PIK3R5: variants seen among roughly 807,000 people sequenced by gnomAD.
PIK3R5 encodes phosphoinositide-3-kinase regulatory subunit 5.
A neutral mutation model predicts 94.9 loss-of-function variants in PIK3R5; 32 were observed. The ratio of observed to expected loss-of-function variants is 0.34; its 90% CI spans 0.25 to 0.45. The LOEUF (loss-of-function observed/expected upper bound fraction) is 0.45. Among genes scored for constraint, PIK3R5 ranks in the 20% least tolerant of loss-of-function variants. The probability of loss-of-function intolerance (pLI) is 1.00; values close to 1 mark genes in which losing one functional copy is unlikely to be tolerated. For synonymous variants in PIK3R5, 443 were observed against 479.4 expected, an observed-to-expected ratio of 0.92 and a Z score of 0.99; for missense variants, 853 against 1,144.6, an observed-to-expected ratio of 0.75 and a Z score of 3.68.
chr17:8,887,609 C>T lies in PIK3R5; in HGVS notation c.1691G>A (p.Ser564Asn), dbSNP rs748707081. 6.2e-7 allele frequency: 1 copy of T among 1,610,352 alleles called. No individual in the cohort carries two copies. The highest frequency in any genetic ancestry group is 2.2e-5 in the East Asian group (1 of 44,798). Residue 564 changes from serine (S) to asparagine (N), a missense_variant, in exon 11 of 19, where the codon AGT becomes AAT. Around this residue, in one of 6 missense-constraint regions of PIK3R5, gnomAD observed 319 missense variants for 339.8 expected, o/e 0.94. Coordinates refer to ENST00000447110, the MANE Select transcript of PIK3R5 (RefSeq NM_001142633.3). ...ACAGGCACCAGGGCTGGTCCCATGA[C>T]TTCGCTTCACAGGCACGTAGAAGAA... ...LQFFYVPVKR[S>N]HGTSPGACPP...
At chr17:8,895,134 T>C (rs2090123336) in intron 5 of PIK3R5, among the ~76,000 whole-genome samples, 1 of 152,306 alleles carries the variant, frequency 6.6e-6, no homozygotes, top group East Asian at 1.9e-4. Context: ...TGGTGGCCAC[T>C]CACGTGCATT....
In PIK3R5 at chr17:8,886,313, T is replaced by C. The variant is rs750437398; in HGVS notation, c.2044A>G (p.Ile682Val). 1 of 1,613,290 alleles carries C rather than the reference T, an allele frequency of 6.2e-7. No individual in the cohort carries two copies. The highest frequency in any genetic ancestry group is 1.7e-5 in the Admixed American group (1 of 60,014). ...ATCTCTGTCGTCTTCTCCCCAGTGATGAAGGTCAGCTGGAGAGGGCAGGAG... is the reference window on the plus strand; with the variant it reads ...ATCTCTGTCGTCTTCTCCCCAGTGACGAAGGTCAGCTGGAGAGGGCAGGAG... Reference protein sequence around the residue: ...LQVYQTELTFITGEKTTEIFI... With the variant: ...LQVYQTELTFVTGEKTTEIFI... Residue 682 changes from isoleucine to valine, a missense_variant, in exon 14 of 19, where the codon ATC becomes GTC. Coordinates refer to ENST00000447110, the MANE Select transcript of PIK3R5 (RefSeq NM_001142633.3).
intron 1 of PIK3R5, among the ~76,000 whole-genome samples, chr17:8,919,146 G>T (rs1019820908): frequency 4.6e-5 from 7 of 152,180 alleles, no homozygotes; most frequent in African/African-American, 1.7e-4. Context: ...TTGTAGAACA[G>T]AAAGAGAACA....
At position 8,888,333 on chromosome 17, in the gene PIK3R5, C is replaced by T. The variant is rs981664417; in HGVS notation, c.1454G>A (p.Gly485Asp). 13 of 1,612,526 alleles carry T rather than the reference C, an allele frequency of 8.1e-6. No homozygotes were observed. Among genetic ancestry groups the T allele is most frequent in the South Asian group, 1.1e-5 (1 of 91,058 alleles). The change falls in exon 10 of 19, where the codon GGT (glycine) becomes GAT (aspartate). Residue 485 changes from glycine (G) to aspartate (D), a missense_variant. Physicochemically the swap from Gly to Asp is moderately conservative, Grantham distance 94. Around this residue, in one of 6 missense-constraint regions of PIK3R5, gnomAD observed 319 missense variants for 339.8 expected, o/e 0.94. Coordinates refer to ENST00000447110, the MANE Select transcript of PIK3R5 (RefSeq NM_001142633.3). This position sits in a 1 kb window ranked among gnomAD's most constrained non-coding sequence, Gnocchi z 7.8. ...CAGAAGCCAGCTGGGCAGCTGGGTACCGAGTTTGGGCTGGGGCAGGGAGCG... is the reference window on the plus strand; with the variant it reads ...CAGAAGCCAGCTGGGCAGCTGGGTATCGAGTTTGGGCTGGGGCAGGGAGCG... The part of the protein sequence containing the change: ...RSRSLPQPKL[G>D]TQLPSWLLAP...
In PIK3R5 at chr17:8,887,605, A is replaced by G. The variant is rs781772771; in HGVS notation, c.1695T>C (p.His565=). The G allele has an allele frequency of 6.8e-6, 11 of 1,610,364 alleles. No homozygotes were observed. The South Asian group carries it at 7.8e-5, about 11-fold the overall frequency. Residue 565 remains histidine (H), a synonymous_variant, in exon 11 of 19, where the codon CAT becomes CAC. Coordinates refer to ENST00000447110, the MANE Select transcript of PIK3R5 (RefSeq NM_001142633.3). ...QFFYVPVKRS[H]GTSPGACPPP... is the part of the protein sequence containing the mutation. ...GTGGACAGGCACCAGGGCTGGTCCC[A>G]TGACTTCGCTTCACAGGCACGTAGA...
intron 1 of PIK3R5, among the ~76,000 whole-genome samples, chr17:8,961,003 C>T (rs1003982105): frequency 1.3e-5 from 2 of 152,162 alleles, no homozygotes; most frequent in African/African-American, 4.8e-5. Flanking sequence ...TGCCAGGTCA[C>T]TGGTCCCCCT....
chr17:8,880,979 G>T lies in PIK3R5; in HGVS notation c.2421C>A (p.Ile807=). The change falls in exon 18 of 19, where the codon ATC becomes ATA. Residue 807 remains isoleucine, a synonymous_variant. Transcript: ENST00000447110. ...TSQIKVDKVQ[I]IGSNSCPFAV... is the part of the protein sequence containing the mutation. ...CAAAGGGGCAGCTGTTGGAGCCGAT[G>T]ATCTGCACCTTGTCCACTTTGATCT... 6.2e-7 allele frequency: 1 copy of T among 1,614,154 alleles called. No homozygotes were observed. Among genetic ancestry groups the T allele is most frequent in the South Asian group, 1.1e-5 (1 of 91,092 alleles).
chr17:8,959,243 G>T (rs1027765265), intron 1 of PIK3R5, among the ~76,000 whole-genome samples: 1 of 152,208 alleles, frequency 6.6e-6, no homozygotes, highest in Non-Finnish European at 1.5e-5. Flanking sequence ...ACTACCCCCA[G>T]CTTGCTTCTG....
At chr17:8,937,068 T>A (rs144592426) in intron 1 of PIK3R5, among the ~76,000 whole-genome samples, 6 of 152,326 alleles carry the variant, frequency 3.9e-5, no homozygotes, top group South Asian at 2.1e-4. Context: ...TGCTGGTATA[T>A]AGGCAAGCAC....
intron 2 of PIK3R5, among the ~76,000 whole-genome samples, chr17:8,910,912 G>A (rs867675029): frequency 4.8e-4 from 73 of 152,028 alleles, no homozygotes; most frequent in African/African-American, 1.6e-3. Context: ...CCGGGACTGC[G>A]GACACCCTGT....
At chr17:8,952,147 G>A (rs2091388116) in intron 1 of PIK3R5, among the ~76,000 whole-genome samples, 1 of 152,202 alleles carries the variant, frequency 6.6e-6, no homozygotes. Flanking sequence ...CTATAAAGCT[G>A]TCATGTGAAG....
intron 5 of PIK3R5, among the ~76,000 whole-genome samples, chr17:8,898,321 G>A (rs988002690): frequency 1.3e-5 from 2 of 152,214 alleles, no homozygotes; most frequent in Admixed American, 6.5e-5. Context: ...AAGTCAAAGG[G>A]TATGAAGCCA....
At chr17:8,901,768 T>C (rs1189337641) in intron 5 of PIK3R5, among the ~76,000 whole-genome samples, 1 of 152,218 alleles carries the variant, frequency 6.6e-6, no homozygotes, top group African/African-American at 2.4e-5. Context: ...AGTAACTATT[T>C]CTACAATATC....
At chr17:8,891,899 C>T (rs762179722) in intron 6 of PIK3R5, among the ~76,000 whole-genome samples, 3 of 152,090 alleles carry the variant, frequency 2.0e-5, no homozygotes, top group Non-Finnish European at 4.4e-5. Flanking sequence ...CCACCGCGCC[C>T]GGCTACTATG....
At chr17:8,886,670 A>G in intron 12 of PIK3R5, 65 bp from the exon 13 acceptor site, 1 of 1,495,306 alleles carries the variant, frequency 6.7e-7, no homozygotes, top group Non-Finnish European at 9.0e-7. Flanking sequence ...AGAAGGAGCA[A>G]GAATTAGGGA....
chr17:8,888,218 G>A lies in PIK3R5; in HGVS notation c.1569C>T (p.Gly523=), dbSNP rs779613334. 5.0e-6 allele frequency: 8 copies of A among 1,613,480 alleles called. No individual in the cohort carries two copies. In the South Asian group the frequency reaches 6.6e-5, roughly 13 times the overall value. ...CCACCTTCCCTGAAATCCGATCGGAGCCAAAGACCACAACACGTAGCGTGG... is the reference window on the plus strand; with the variant it reads ...CCACCTTCCCTGAAATCCGATCGGAACCAAAGACCACAACACGTAGCGTGG... ...KASTLRVVVF[G]SDRISGKVAR... is the part of the protein sequence containing the mutation. The change falls in exon 10 of 19, where the codon GGC becomes GGT. Residue 523 remains glycine (G), a synonymous_variant. Transcript: ENST00000447110. The surrounding 1 kb of genome is among the most constrained non-coding windows in gnomAD (Gnocchi z 7.8).
rs574393204 is a variant in PIK3R5 at position 8,965,184 on chromosome 17, T to C, written c.-14+412A>G. 5.4e-4 allele frequency among the ~76,000 whole-genome samples: 83 copies of C among 152,328 alleles called. 1 individual carries two copies. In the South Asian group the frequency reaches 0.012, roughly 22 times the overall value. ...AGGGCGCCTTACGCGGGCACTTCCA[T>C]GACTCCCAGGTTCTGACGGCACAAG... On this transcript the variant is annotated intron_variant, in intron 1 of 18. Transcript: ENST00000447110.
intron 1 of PIK3R5, among the ~76,000 whole-genome samples, chr17:8,942,091 C>T (rs739435): frequency 0.53 from 80,229 of 151,940 alleles, 23,756 homozygotes; most frequent in Non-Finnish European, 0.66. Flanking sequence ...CTCCTCACAA[C>T]GGGGCCCTCA....
At chr17:8,915,669 C>A (rs2090615994) in intron 1 of PIK3R5, 1 of 152,312 alleles carries the variant, frequency 6.6e-6, no homozygotes, top group African/African-American at 2.4e-5. Context: ...TTTTAAGACC[C>A]CTCTGCCCAG....
Sources: allele counts gnomAD v4.1 joint callset (sites outside exome capture counted in the v4.1 genomes callset), GRCh38; gene constraint gnomAD v4.1.1; regional missense constraint gnomAD v4.1.1; non-coding constraint Gnocchi (gnomAD v3.1); transcripts MANE v1.5; gene names NCBI Gene and HGNC (gene_info 2026-07-23, HGNC 2026-07-21).